MYO16: variants seen among roughly 807,000 people sequenced by gnomAD.
The protein encoded by MYO16 is unconventional myosin-XVI.
Under a neutral mutation model 205.3 loss-of-function variants are expected in MYO16, and 94 were observed. That is an observed-to-expected ratio of 0.46 (90% CI 0.39 to 0.54). The LOEUF is 0.54. Among genes scored for constraint, MYO16 ranks in the 20% least tolerant of loss-of-function variants. MYO16 has a pLI of 0.00. For missense variants in MYO16, 2,315 were observed against 2,387.5 expected, an observed-to-expected ratio of 0.97 and a Z score of 0.63; for synonymous variants, 988 against 954.0, an observed-to-expected ratio of 1.04 and a Z score of -0.66.
intron 32 of MYO16, among the ~76,000 whole-genome samples, chr13:109,157,360 T>C (rs898512311): frequency 6.6e-6 from 1 of 151,418 alleles, no homozygotes; most frequent in African/African-American, 2.4e-5. Flanking sequence ...TGCTCCCACT[T>C]CCCGGTGCGG....
chr13:109,140,463 G>A lies in MYO16; in HGVS notation c.4251G>A (p.Ala1417=). ...RVLTPGTPQC[A]LPPAAPPGDE... ...TGACCCCCGGGACTCCGCAGTGCGC[G>A]CTGCCCCCGGCGGCGCCTCCGGGTG... Residue 1417 remains alanine (A), a synonymous_variant, in exon 32 of 35, where the codon GCG becomes GCA. Transcript: ENST00000457511. The surrounding 1 kb of genome is among the most constrained non-coding windows in gnomAD (Gnocchi z 8.0). 6.5e-7 allele frequency: 1 copy of A among 1,536,620 alleles called. No individual in the cohort carries two copies. The highest frequency in any genetic ancestry group is 8.7e-7 in the Non-Finnish European group (1 of 1,150,172).
chr13:108,997,412 A>AAAGGAAAGGG (rs1181647978), intron 21 of MYO16, among the ~76,000 whole-genome samples: 2 of 99,928 alleles, frequency 2.0e-5, no homozygotes, highest in Non-Finnish European at 4.0e-5. Flanking sequence ...GAGTGGGAGG[A>AAAGGAAAGGG]AAGGAAAGGA....
At chr13:108,665,288 T>C (rs1435919561) in intron 1 of MYO16, among the ~76,000 whole-genome samples, 1 of 152,080 alleles carries the variant, frequency 6.6e-6, no homozygotes, top group Admixed American at 6.6e-5. Flanking sequence ...TTTATTTATT[T>C]TTGGAGAGAT....
At chr13:109,070,635 C>T (rs1887894629) in intron 27 of MYO16, among the ~76,000 whole-genome samples, 1 of 152,052 alleles carries the variant, frequency 6.6e-6, no homozygotes, top group African/African-American at 2.4e-5. Context: ...TAGTCTTTCT[C>T]CCCAAAAAAG....
At chr13:108,654,339 T>G (rs999138782) in intron 1 of MYO16, among the ~76,000 whole-genome samples, 1 of 152,202 alleles carries the variant, frequency 6.6e-6, no homozygotes, top group African/African-American at 2.4e-5. Flanking sequence ...CTAGGAAGTC[T>G]CACGAGATCT....
intron 2 of MYO16, among the ~76,000 whole-genome samples, chr13:108,703,952 T>A (rs1883404223): frequency 6.6e-6 from 1 of 152,142 alleles, no homozygotes; most frequent in Non-Finnish European, 1.5e-5. Context: ...ATATGACTGG[T>A]GTTTTAAGAA....
At chr13:109,205,777 T>C (rs1336409265) in intron 34 of MYO16, among the ~76,000 whole-genome samples, 6 of 152,150 alleles carry the variant, frequency 3.9e-5, no homozygotes, top group Admixed American at 2.0e-4. Context: ...GGGGCCATAG[T>C]GACACAAGAT....
chr13:108,673,641 A>G (rs1241114667), intron 2 of MYO16, among the ~76,000 whole-genome samples: 1 of 151,960 alleles, frequency 6.6e-6, no homozygotes, highest in Non-Finnish European at 1.5e-5. Flanking sequence ...TACCTCTTCT[A>G]TTGATCTCAG....
At chr13:108,638,236 G>A (rs1594165220) in intron 1 of MYO16, among the ~76,000 whole-genome samples, 1 of 152,284 alleles carries the variant, frequency 6.6e-6, no homozygotes, top group Middle Eastern at 3.4e-3. Context: ...GCAGGAATGA[G>A]CATGTTCCAC....
intron 12 of MYO16, among the ~76,000 whole-genome samples, chr13:108,882,698 T>A (rs371295841): frequency 2.6e-5 from 4 of 152,218 alleles, no homozygotes; most frequent in East Asian, 1.9e-4. Context: ...CTTATGGTAT[T>A]GAAATTAAAT....
rs545675979 is a variant in MYO16, at chr13:108,760,311, T to C, written c.508-25324T>C. Among the ~76,000 whole-genome samples, 3 of 152,302 alleles carry C rather than the reference T, an allele frequency of 2.0e-5. No individual in the cohort carries two copies. The South Asian group carries it at 6.2e-4, about 32-fold the overall frequency. On this transcript the variant is annotated intron_variant, in intron 4 of 34. Transcript: ENST00000457511. ...TTACAGGTATTTTATCTCCTTTGTC[T>C]TGTGTTTCCTGGCAGAGTTATCTTA... is the stretch of plus-strand genomic sequence containing the variant.
intron 27 of MYO16, among the ~76,000 whole-genome samples, chr13:109,084,672 ATATT>A (rs903945515): frequency 6.8e-6 from 1 of 147,600 alleles, no homozygotes; most frequent in African/African-American, 2.5e-5. Flanking sequence ...TTAAGAAATA[ATATT>A]TAAGTAATTA....
At chr13:108,535,913 A>C in the MYO16 span, among the ~76,000 whole-genome samples, 1 of 152,014 alleles carries the variant, frequency 6.6e-6, no homozygotes, top group South Asian at 2.1e-4. Flanking sequence ...TGGAGTGGGG[A>C]TATTTTAGGA....
chr13:108,971,116 T>C (rs1231341679), intron 20 of MYO16, among the ~76,000 whole-genome samples: 1 of 152,168 alleles, frequency 6.6e-6, no homozygotes, highest in African/African-American at 2.4e-5. Context: ...GCCTATTTTA[T>C]AACGCAGCAC....
chr13:108,534,863 C>CCTT, the MYO16 span, among the ~76,000 whole-genome samples: 381 of 149,264 alleles, frequency 2.6e-3, 3 homozygotes, highest in African/African-American at 8.7e-3. Context: ...TCTTCCTCCT[C>CCTT]CTTCTTCTCC....
intron 9 of MYO16, among the ~76,000 whole-genome samples, chr13:108,839,303 A>G (rs1281748664): frequency 6.6e-6 from 1 of 152,122 alleles, no homozygotes; most frequent in Admixed American, 6.6e-5. Flanking sequence ...ATCGCCTCCT[A>G]AAAGTTCCAC....
intron 1 of MYO16, among the ~76,000 whole-genome samples, chr13:108,634,782 C>T (rs1034926617): frequency 2.0e-5 from 3 of 152,190 alleles, no homozygotes; most frequent in Non-Finnish European, 4.4e-5. Flanking sequence ...GCTTTTCCTC[C>T]ACCCCAGTTG....
At chr13:108,673,096 A>G (rs528737568) in intron 2 of MYO16, among the ~76,000 whole-genome samples, 1 of 152,332 alleles carries the variant, frequency 6.6e-6, no homozygotes, top group East Asian at 1.9e-4. Context: ...CCTTTGAAGA[A>G]GAAACTGCTA....
At chr13:108,561,025 G>A in the MYO16 span, among the ~76,000 whole-genome samples, 1 of 152,132 alleles carries the variant, frequency 6.6e-6, no homozygotes, top group South Asian at 2.1e-4. Flanking sequence ...TGATACAATA[G>A]ATGTTATTTG....
Sources: gnomAD v4.1 joint callset for allele counts (sites outside exome capture counted in the v4.1 genomes callset) on GRCh38, gnomAD v4.1.1 for gene constraint, Gnocchi (gnomAD v3.1) non-coding constraint, MANE v1.5 for transcripts, NCBI Gene and HGNC (gene_info 2026-07-23, HGNC 2026-07-21) for gene names.